ATRNL1: variants seen among roughly 807,000 people sequenced by gnomAD.
ATRNL1 encodes the protein attractin-like protein 1.
In ATRNL1, 95 loss-of-function variants were observed where a neutral mutation model predicts 182.7. The ratio of observed to expected loss-of-function variants is 0.52; its 90% CI spans 0.44 to 0.62. The LOEUF (loss-of-function observed/expected upper bound fraction) is 0.62, where lower values mean the gene tolerates loss of function less well. Ranked by LOEUF, ATRNL1 falls within the 20% of genes least tolerant of loss-of-function variation. ATRNL1 has a pLI of 0.00. For missense variants in ATRNL1, 1,471 were observed against 1,679.5 expected (o/e 0.88, Z 2.17); for synonymous variants, 576 against 568.3 (o/e 1.01, Z -0.19).
At chr10:115,698,959 T>C (rs1487629379) in intron 26 of ATRNL1, among the ~76,000 whole-genome samples, 1 of 152,180 alleles carries the variant, frequency 6.6e-6, no homozygotes, top group Admixed American at 6.5e-5. Flanking sequence ...CATATTTATA[T>C]ACACCAGCAA....
At chr10:115,330,654 TC>T (rs1855163721) in intron 18 of ATRNL1, among the ~76,000 whole-genome samples, 1 of 151,000 alleles carries the variant, frequency 6.6e-6, no homozygotes, top group African/African-American at 2.4e-5. Context: ...ATATTGGAAT[TC>T]CTTTATGTGT....
At chr10:115,762,481 G>A (rs1455111298) in intron 27 of ATRNL1, among the ~76,000 whole-genome samples, 1 of 152,086 alleles carries the variant, frequency 6.6e-6, no homozygotes, top group East Asian at 1.9e-4. Flanking sequence ...TTTAATGTGA[G>A]AAGAAACAAC....
rs561549880 is a variant in ATRNL1 at position 115,493,133 on chromosome 10, G to C, written c.3654+23804G>C. Among the ~76,000 whole-genome samples the C allele has an allele frequency of 3.3e-5, 5 of 151,710 alleles. No homozygotes were observed. In the East Asian group the frequency reaches 5.8e-4, roughly 18 times the overall value. ...TTATTTCTTATCAACTTTTATTTTA[G>C]ATTTAGTGGTAGACATGCCAGTTTG... On this transcript the variant is annotated intron_variant, in intron 24 of 28. Coordinates refer to ENST00000355044, the MANE Select transcript of ATRNL1 (RefSeq NM_207303.4).
At chr10:115,314,768 G>A (rs1443626088) in intron 17 of ATRNL1, among the ~76,000 whole-genome samples, 1 of 152,078 alleles carries the variant, frequency 6.6e-6, no homozygotes, top group Non-Finnish European at 1.5e-5. Flanking sequence ...CATATTCATA[G>A]GCTTTGTTGA....
At chr10:115,495,544 T>A (rs1405640300) in intron 24 of ATRNL1, among the ~76,000 whole-genome samples, 1 of 152,166 alleles carries the variant, frequency 6.6e-6, no homozygotes, top group Non-Finnish European at 1.5e-5. Context: ...TTTCAAAGAA[T>A]TTTCTGATTT....
At chr10:115,593,662 C>T (rs2804209) in intron 26 of ATRNL1, among the ~76,000 whole-genome samples, 72,396 of 151,882 alleles carry the variant, frequency 0.48, 18,706 homozygotes, top group East Asian at 0.84. Flanking sequence ...TAGTATTTTT[C>T]CAATTAAAAC....
chr10:115,241,258 T>C (rs1236441906), intron 9 of ATRNL1, among the ~76,000 whole-genome samples: 1 of 151,804 alleles, frequency 6.6e-6, no homozygotes, highest in Non-Finnish European at 1.5e-5. Flanking sequence ...GTTTTGGGCC[T>C]CTAGTTTTAA....
chr10:115,233,721 T>C (rs1554900623), intron 9 of ATRNL1, among the ~76,000 whole-genome samples: 1 of 152,124 alleles, frequency 6.6e-6, no homozygotes, highest in African/African-American at 2.4e-5. Flanking sequence ...ATATTATGAA[T>C]GGATGCTTGG....
At chr10:115,878,763 T>C (rs1379438203) in intron 28 of ATRNL1, among the ~76,000 whole-genome samples, 4 of 152,112 alleles carry the variant, frequency 2.6e-5, no homozygotes, top group Non-Finnish European at 5.9e-5. Flanking sequence ...CATGTAATAC[T>C]AGTGCCCCTG....
intron 24 of ATRNL1, among the ~76,000 whole-genome samples, chr10:115,496,591 G>A (rs1189209117): frequency 6.6e-6 from 1 of 152,160 alleles, no homozygotes; most frequent in Non-Finnish European, 1.5e-5. Flanking sequence ...TGTGATGTGA[G>A]GTTGTTAATT....
At chr10:115,357,606 C>T (rs965423608) in intron 19 of ATRNL1, among the ~76,000 whole-genome samples, 6 of 151,614 alleles carry the variant, frequency 4.0e-5, no homozygotes, top group African/African-American at 1.2e-4. Flanking sequence ...TGCCATAGGA[C>T]ATGGATCCAA....
chr10:115,271,407 A>G (rs1851858922), intron 13 of ATRNL1, among the ~76,000 whole-genome samples: 1 of 152,090 alleles, frequency 6.6e-6, no homozygotes, highest in Non-Finnish European at 1.5e-5. Flanking sequence ...TACGTTAGGT[A>G]TATCTCCTAA....
At chr10:115,935,441 C>G (rs1327512360) in intron 28 of ATRNL1, among the ~76,000 whole-genome samples, 1 of 152,110 alleles carries the variant, frequency 6.6e-6, no homozygotes, top group African/African-American at 2.4e-5. Flanking sequence ...TAGCTGATTT[C>G]ACATCTCTAC....
chr10:115,148,296 A>G (rs1191124803), intron 5 of ATRNL1, among the ~76,000 whole-genome samples: 1 of 151,974 alleles, frequency 6.6e-6, no homozygotes, highest in Non-Finnish European at 1.5e-5. Flanking sequence ...TGGTTTTGTA[A>G]CCTGCAACTT....
intron 19 of ATRNL1, among the ~76,000 whole-genome samples, chr10:115,346,701 A>G (rs1331755823): frequency 2.0e-5 from 3 of 151,428 alleles, no homozygotes; most frequent in South Asian, 2.1e-4. Flanking sequence ...AGAAATGTCT[A>G]TTCAAATCTT....
intron 27 of ATRNL1, among the ~76,000 whole-genome samples, chr10:115,797,620 T>C (rs1258704977): frequency 2.6e-5 from 4 of 152,044 alleles, no homozygotes; most frequent in African/African-American, 9.7e-5. Context: ...ATTGTATGTG[T>C]GCACGTGTGT....
chr10:115,360,319 A>G (rs560081027), intron 19 of ATRNL1, among the ~76,000 whole-genome samples: 1 of 141,108 alleles, frequency 7.1e-6, no homozygotes, highest in South Asian at 2.3e-4. Flanking sequence ...GAAAAGTTCT[A>G]TTTAATTTGT....
At chr10:115,502,548 T>TAAA (rs1849898579) in intron 24 of ATRNL1, among the ~76,000 whole-genome samples, 2 of 152,052 alleles carry the variant, frequency 1.3e-5, no homozygotes, top group Non-Finnish European at 2.9e-5. Flanking sequence ...TTAATTTTTT[T>TAAA]TTAATTTTAT....
chr10:115,876,980 T>C (rs548349550), intron 28 of ATRNL1, among the ~76,000 whole-genome samples: 2 of 152,330 alleles, frequency 1.3e-5, no homozygotes, highest in East Asian at 1.9e-4. Context: ...AGAAGCATAG[T>C]ACAGTACATT....
Sources: gnomAD v4.1 joint callset for allele counts (sites outside exome capture counted in the v4.1 genomes callset) on GRCh38, gnomAD v4.1.1 for gene constraint, MANE v1.5 for transcripts, NCBI Gene and HGNC (gene_info 2026-07-23, HGNC 2026-07-21) for gene names.